Variants in CACNA2D1 observed in about 807,000 individuals in gnomAD.
The protein encoded by CACNA2D1 is voltage-dependent calcium channel subunit alpha-2/delta-1.
CACNA2D1 carries 53 observed loss-of-function variants against 171.5 expected under a neutral mutation model. The ratio of observed to expected loss-of-function variants is 0.31; its 90% CI spans 0.25 to 0.39. The LOEUF (loss-of-function observed/expected upper bound fraction) is 0.39. CACNA2D1 is among the 10% of genes least tolerant of loss of function. The pLI, the probability that CACNA2D1 is intolerant of heterozygous loss-of-function variation, is 1.00. For synonymous variants in CACNA2D1, 442 were observed against 443.1 expected (o/e 1.00, Z 0.03); for missense variants, 903 against 1,299.8 (o/e 0.69, Z 4.69).
intron 3 of CACNA2D1, among the ~76,000 whole-genome samples, chr7:82,193,556 A>T (rs1226081495): frequency 6.6e-6 from 1 of 152,042 alleles, no homozygotes; most frequent in Non-Finnish European, 1.5e-5. Context: ...TGAAACATTT[A>T]TTACACTTGA....
At chr7:82,230,483 T>C (rs1269875522) in intron 3 of CACNA2D1, among the ~76,000 whole-genome samples, 1 of 152,184 alleles carries the variant, frequency 6.6e-6, no homozygotes, top group African/African-American at 2.4e-5. Context: ...ACATTTCTGC[T>C]GGAAATGTAT....
At chr7:82,134,676 T>G (rs1182301244) in intron 5 of CACNA2D1, among the ~76,000 whole-genome samples, 1 of 152,174 alleles carries the variant, frequency 6.6e-6, no homozygotes, top group African/African-American at 2.4e-5. Flanking sequence ...CCCACAGTAG[T>G]AGTAGATACT....
Position 82,244,610 on chromosome 7 carries a change from G to T in CACNA2D1, c.295-74001C>A, listed in dbSNP as rs529821458. ...GTCTTAACATCAGTTAAAATAAAAG[G>T]AAAATAAAATTAAGCAAGGGGAAAA... On this transcript the variant is annotated intron_variant, in intron 3 of 38. Coordinates refer to ENST00000356860, the MANE Select transcript of CACNA2D1 (RefSeq NM_000722.4). Among the ~76,000 whole-genome samples, 4 of 151,404 alleles carry T rather than the reference G, an allele frequency of 2.6e-5. No homozygotes were observed. The East Asian group carries it at 7.8e-4, about 29-fold the overall frequency.
intron 10 of CACNA2D1, among the ~76,000 whole-genome samples, chr7:82,048,055 T>C (rs1804754072): frequency 1.3e-5 from 2 of 152,146 alleles, no homozygotes; most frequent in African/African-American, 4.8e-5. Context: ...AGACATTCAC[T>C]AGACAGAAAG....
chr7:82,021,989 A>C (rs781251178), intron 12 of CACNA2D1, among the ~76,000 whole-genome samples: 26 of 152,014 alleles, frequency 1.7e-4, no homozygotes, highest in Non-Finnish European at 3.2e-4. Flanking sequence ...TTCAAGTGCC[A>C]TTTCTGTGCT....
intron 4 of CACNA2D1, among the ~76,000 whole-genome samples, chr7:82,159,516 T>G (rs2129128789): frequency 6.6e-6 from 1 of 151,852 alleles, no homozygotes; most frequent in Middle Eastern, 3.4e-3. Context: ...GAAGAAAAAC[T>G]AACCAAACAC....
At chr7:82,364,889 C>T (rs963856169) in intron 1 of CACNA2D1, among the ~76,000 whole-genome samples, 1 of 152,132 alleles carries the variant, frequency 6.6e-6, no homozygotes, top group African/African-American at 2.4e-5. Flanking sequence ...CTGTTGTGTT[C>T]ATCGCAATGT....
chr7:82,244,378 G>T (rs1013149119), intron 3 of CACNA2D1, among the ~76,000 whole-genome samples: 2 of 152,060 alleles, frequency 1.3e-5, no homozygotes, highest in African/African-American at 2.4e-5. Context: ...TGAGCATGAA[G>T]AAGCAAGAAA....
chr7:82,158,029 A>G (rs1377533338), intron 4 of CACNA2D1, among the ~76,000 whole-genome samples: 1 of 151,934 alleles, frequency 6.6e-6, no homozygotes, highest in Non-Finnish European at 1.5e-5. Flanking sequence ...GAATATATAT[A>G]CACATACAAA....
At chr7:82,146,944 C>T (rs1370009793) in intron 4 of CACNA2D1, among the ~76,000 whole-genome samples, 1 of 128,750 alleles carries the variant, frequency 7.8e-6, no homozygotes, top group African/African-American at 3.0e-5. Flanking sequence ...GAGTCAGCAC[C>T]ACTGCTCTCC....
At chr7:82,040,511 G>A (rs1369554300) in intron 10 of CACNA2D1, among the ~76,000 whole-genome samples, 2 of 146,924 alleles carry the variant, frequency 1.4e-5, no homozygotes, top group African/African-American at 5.0e-5. Flanking sequence ...AAAGCCATAG[G>A]AAAACAAAAC....
chr7:82,306,610 C>T (rs1813768412), intron 3 of CACNA2D1, among the ~76,000 whole-genome samples: 1 of 152,028 alleles, frequency 6.6e-6, no homozygotes, highest in African/African-American at 2.4e-5. Context: ...CCATCCTTAA[C>T]CTGTGGCAAA....
chr7:82,420,464 CT>C (rs764915839), intron 1 of CACNA2D1, among the ~76,000 whole-genome samples: 1 of 152,130 alleles, frequency 6.6e-6, no homozygotes, highest in Non-Finnish European at 1.5e-5. Flanking sequence ...GCATTACCAA[CT>C]CATGATTTTT....
Position 82,058,825 on chromosome 7 carries a change from T to G in CACNA2D1, c.879+1603A>C, listed in dbSNP as rs1042673391. Among the ~76,000 whole-genome samples the G allele has an allele frequency of 5.3e-5, 8 of 152,118 alleles. No homozygotes were observed. In the East Asian group the frequency reaches 9.6e-4, roughly 18 times the overall value. ...CACAAAAAGAGTTTCACAGGGCTCCTTGTAAATTATAAAATACTTACAGTT... is the reference window on the plus strand; with the variant it reads ...CACAAAAAGAGTTTCACAGGGCTCCGTGTAAATTATAAAATACTTACAGTT... On this transcript the variant is annotated intron_variant, in intron 10 of 38. Transcript: ENST00000356860.
At chr7:82,224,350 G>T (rs1453715926) in intron 3 of CACNA2D1, among the ~76,000 whole-genome samples, 2 of 152,136 alleles carry the variant, frequency 1.3e-5, no homozygotes, top group Non-Finnish European at 2.9e-5. Context: ...CACTTTGGGA[G>T]GCCGAGGCGG....
chr7:82,120,089 C>T (rs1789537417), intron 5 of CACNA2D1, among the ~76,000 whole-genome samples: 1 of 152,132 alleles, frequency 6.6e-6, no homozygotes, highest in Admixed American at 6.5e-5. Flanking sequence ...GAGGCTGAGA[C>T]ATGAGGGCCT....
rs200510364 is a variant in CACNA2D1 at position 82,005,444 on chromosome 7, T to C, written c.1569A>G (p.Leu523=). 8.3e-5 allele frequency: 133 copies of C among 1,593,982 alleles called. No homozygotes were observed. Among genetic ancestry groups the C allele is most frequent in the Non-Finnish European group, 1.4e-5 (16 of 1,166,650 alleles). ...TGACCTTTGGCTGAAGATTTGGATGTAATAAAACATAACCATTAGGATCGA... is the reference window on the plus strand; with the variant it reads ...TGACCTTTGGCTGAAGATTTGGATGCAATAAAACATAACCATTAGGATCGA... The part of the protein sequence containing the change: ...FAIDPNGYVL[L]HPNLQPKNPK... The change falls in exon 18 of 39, where the codon TTA becomes TTG. Residue 523 remains leucine (L), a synonymous_variant. Transcript: ENST00000356860.
intron 3 of CACNA2D1, among the ~76,000 whole-genome samples, chr7:82,291,564 T>C (rs986981118): frequency 7.5e-4 from 106 of 141,396 alleles, no homozygotes; most frequent in Admixed American, 1.2e-3. Flanking sequence ...TAAATATATA[T>C]ATTTATATTT....
chr7:82,277,221 G>A (rs992476395), intron 3 of CACNA2D1, among the ~76,000 whole-genome samples: 2 of 151,604 alleles, frequency 1.3e-5, no homozygotes, highest in Non-Finnish European at 2.9e-5. Flanking sequence ...CTTTTGGAGG[G>A]GGATGAAGTC....
Sources: allele counts gnomAD v4.1 joint callset (sites outside exome capture counted in the v4.1 genomes callset), GRCh38; gene constraint gnomAD v4.1.1; transcripts MANE v1.5; gene names NCBI Gene and HGNC (gene_info 2026-07-23, HGNC 2026-07-21).